Variants in PTPRT observed in about 807,000 individuals in gnomAD.
PTPRT encodes the protein receptor-type tyrosine-protein phosphatase T.
A neutral mutation model predicts 176.8 loss-of-function variants in PTPRT; 56 were observed. The observed-to-expected ratio is 0.32, with a 90% CI of 0.26 to 0.40. PTPRT has a LOEUF of 0.40. Among genes scored for constraint, PTPRT ranks in the 10% least tolerant of loss-of-function variants. The pLI, the probability that PTPRT is intolerant of heterozygous loss-of-function variation, is 1.00. For synonymous variants in PTPRT, 783 were observed against 739.0 expected (o/e 1.06, Z -0.96); for missense variants, 1,540 against 1,908.2 (o/e 0.81, Z 3.60).
intron 1 of PTPRT, among the ~76,000 whole-genome samples, chr20:43,037,470 C>T (rs1001338172): frequency 6.6e-6 from 1 of 152,204 alleles, no homozygotes; most frequent in African/African-American, 2.4e-5. Context: ...AACTGATCTA[C>T]AGCCAAAGCA....
chr20:42,112,527 T>A (rs1987058387), intron 22 of PTPRT, among the ~76,000 whole-genome samples: 1 of 151,522 alleles, frequency 6.6e-6, no homozygotes, highest in Non-Finnish European at 1.5e-5. Context: ...AAAACAGAAA[T>A]TTTTTTTACC....
intron 1 of PTPRT, among the ~76,000 whole-genome samples, chr20:42,974,200 T>A (rs1982813391): frequency 6.6e-6 from 1 of 152,128 alleles, no homozygotes; most frequent in South Asian, 2.1e-4. Context: ...AGATAATAAT[T>A]TGAATTCAGT....
chr20:42,504,762 A>G lies in PTPRT; in HGVS notation c.1154-32200T>C, dbSNP rs1042386433. ...TTTTGAGAATACTGATAAGTTGAAA[A>G]TTCTTTCTCACATCTTACGTTGTCT... On this transcript the variant is annotated intron_variant, in intron 7 of 30. Coordinates refer to ENST00000373187, the MANE Select transcript of PTPRT (RefSeq NM_007050.6). Among the ~76,000 whole-genome samples, 14 of 152,264 alleles carry G rather than the reference A, an allele frequency of 9.2e-5. No homozygotes were observed. The East Asian group carries it at 2.7e-3, about 29-fold the overall frequency.
chr20:42,841,457 T>C (rs890391160), intron 2 of PTPRT, among the ~76,000 whole-genome samples: 1 of 151,952 alleles, frequency 6.6e-6, no homozygotes, highest in Non-Finnish European at 1.5e-5. Context: ...CATAAAACAG[T>C]CCTAGTGAGA....
chr20:43,146,165 T>C (rs545019132), intron 1 of PTPRT, among the ~76,000 whole-genome samples: 3 of 152,282 alleles, frequency 2.0e-5, no homozygotes, highest in African/African-American at 7.2e-5. Context: ...CCTACATTTT[T>C]CTTGAGATTA....
chr20:42,644,408 CT>C (rs2145942888), intron 7 of PTPRT, among the ~76,000 whole-genome samples: 1 of 152,268 alleles, frequency 6.6e-6, no homozygotes, highest in African/African-American at 2.4e-5. Flanking sequence ...CCTTCCAGGT[CT>C]TGGGCACTGA....
chr20:42,763,884 G>A (rs993847784), intron 5 of PTPRT, among the ~76,000 whole-genome samples: 9 of 152,288 alleles, frequency 5.9e-5, no homozygotes, highest in Non-Finnish European at 1.3e-4. Flanking sequence ...CCTGCAAAGA[G>A]TCAGGAGGGA....
At chr20:42,701,994 C>A (rs149267635) in intron 6 of PTPRT, among the ~76,000 whole-genome samples, 1 of 151,966 alleles carries the variant, frequency 6.6e-6, no homozygotes, top group African/African-American at 2.4e-5. Context: ...TGCAGCCCCG[C>A]GTCACCGAGG....
chr20:43,165,002 T>G (rs2014816399), intron 1 of PTPRT, among the ~76,000 whole-genome samples: 1 of 152,162 alleles, frequency 6.6e-6, no homozygotes, highest in South Asian at 2.1e-4. Context: ...AATCTCATCT[T>G]GAATTGTAGC....
intron 9 of PTPRT, among the ~76,000 whole-genome samples, chr20:42,357,971 AAAGAAAGACC>A (rs2145552684): frequency 6.6e-6 from 1 of 152,290 alleles, no homozygotes; most frequent in South Asian, 2.1e-4. Context: ...ATAGAAAAGC[AAAGAAAGACC>A]AAGAAATGGT....
intron 12 of PTPRT, among the ~76,000 whole-genome samples, chr20:42,313,026 AC>A (rs2057659963): frequency 6.6e-6 from 1 of 152,122 alleles, no homozygotes; most frequent in Non-Finnish European, 1.5e-5. Context: ...GGTACAAGAT[AC>A]AGGCCACAAA....
intron 6 of PTPRT, among the ~76,000 whole-genome samples, chr20:42,698,517 C>T (rs954652883): frequency 6.6e-6 from 1 of 152,188 alleles, no homozygotes; most frequent in Non-Finnish European, 1.5e-5. Context: ...AAAATATCTT[C>T]ATGGGTTGCA....
chr20:42,043,095 G>A, the PTPRT span, among the ~76,000 whole-genome samples: 1 of 152,240 alleles, frequency 6.6e-6, no homozygotes, highest in African/African-American at 2.4e-5. Context: ...CCAAATCCAG[G>A]CACTAGATAA....
Position 42,446,888 on chromosome 20 carries a change from C to G in PTPRT, c.1560+1332G>C, listed in dbSNP as rs114465548. ...TCCTTCCATCTGGTAATCCTGAGAG[C>G]TGCGCCAAGCTCCCTGCAACTTCTA... On this transcript the variant is annotated intron_variant, in intron 9 of 30. Coordinates refer to ENST00000373187, the MANE Select transcript of PTPRT (RefSeq NM_007050.6). Among the ~76,000 whole-genome samples, 744 of 152,146 alleles carry G rather than the reference C, an allele frequency of 4.9e-3. 8 individuals carry two copies. Among genetic ancestry groups the G allele is most frequent in the African/African-American group, 0.017 (712 of 41,520 alleles).
At chr20:42,345,578 A>ATGTGTG (rs1491077037) in intron 11 of PTPRT, among the ~76,000 whole-genome samples, 1 of 48,482 alleles carries the variant, frequency 2.1e-5, no homozygotes, top group East Asian at 2.1e-3. Context: ...ATACATACAT[A>ATGTGTG]TATATGTGTG....
At chr20:43,040,084 G>A (rs1986545909) in intron 1 of PTPRT, among the ~76,000 whole-genome samples, 1 of 151,448 alleles carries the variant, frequency 6.6e-6, no homozygotes, top group Non-Finnish European at 1.5e-5. Flanking sequence ...AGAAAGAGAA[G>A]AAGAAAACCA....
chr20:43,159,982 T>C (rs1600759225), intron 1 of PTPRT, among the ~76,000 whole-genome samples: 1 of 141,714 alleles, frequency 7.1e-6, no homozygotes, highest in South Asian at 2.4e-4. Context: ...AAGGAGTCAA[T>C]CCCTTCTTAC....
chr20:43,020,206 TATG>T (rs1340932826), intron 1 of PTPRT, among the ~76,000 whole-genome samples: 103 of 138,816 alleles, frequency 7.4e-4, no homozygotes, highest in African/African-American at 2.5e-3. Context: ...TGTAATTATA[TATG>T]ATATTTAATT....
chr20:42,905,641 G>T (rs528620946), intron 1 of PTPRT, among the ~76,000 whole-genome samples: 1 of 152,008 alleles, frequency 6.6e-6, no homozygotes, highest in African/African-American at 2.4e-5. Context: ...GGCACTATTC[G>T]CAATAGCAAA....
Sources: allele counts gnomAD v4.1 joint callset (sites outside exome capture counted in the v4.1 genomes callset), GRCh38; gene constraint gnomAD v4.1.1; transcripts MANE v1.5; gene names NCBI Gene and HGNC (gene_info 2026-07-23, HGNC 2026-07-21).